The following PRKG1 variants were observed in gnomAD, a reference collection of about 807,000 sequenced individuals.
The protein encoded by PRKG1 is protein kinase cGMP-dependent 1.
Under a neutral mutation model 88.1 loss-of-function variants are expected in PRKG1, and 35 were observed. The ratio of observed to expected loss-of-function variants is 0.40; its 90% CI spans 0.30 to 0.53. The LOEUF is 0.53. Ranked by LOEUF, PRKG1 falls within the 20% of genes least tolerant of loss-of-function variation. The pLI, the probability that PRKG1 is intolerant of heterozygous loss-of-function variation, is 0.59. For missense variants in PRKG1, 540 were observed against 839.8 expected (o/e 0.64, Z 4.41); for synonymous variants, 303 against 292.5 (o/e 1.04, Z -0.37).
intron 2 of PRKG1, among the ~76,000 whole-genome samples, chr10:51,160,875 C>CGTGTGTGTGTGT (rs71459406): frequency 3.0e-3 from 452 of 150,074 alleles, no homozygotes; most frequent in African/African-American, 0.01. Flanking sequence ...TCTTCATGCT[C>CGTGTGTGTGTGT]GTGTGTGTGT....
At chr10:51,211,026 A>T (rs529788821) in intron 2 of PRKG1, among the ~76,000 whole-genome samples, 1 of 152,374 alleles carries the variant, frequency 6.6e-6, no homozygotes, top group South Asian at 2.1e-4. Context: ...AGAGAATTTT[A>T]GACCAATATC....
At chr10:51,803,219 T>C (rs375927110) in intron 3 of PRKG1, among the ~76,000 whole-genome samples, 138 of 152,276 alleles carry the variant, frequency 9.1e-4, no homozygotes, top group African/African-American at 3.2e-3. Flanking sequence ...GCACTACCTT[T>C]GTTTTTGATG....
At chr10:51,895,970 C>A (rs1169355345) in intron 4 of PRKG1, among the ~76,000 whole-genome samples, 1 of 152,064 alleles carries the variant, frequency 6.6e-6, no homozygotes, top group African/African-American at 2.4e-5. Context: ...ACTCCAAGGG[C>A]CCCTTGTGAC....
At chr10:51,446,057 C>T (rs1420074307) in intron 2 of PRKG1, among the ~76,000 whole-genome samples, 1 of 152,044 alleles carries the variant, frequency 6.6e-6, no homozygotes, top group Middle Eastern at 3.4e-3. Context: ...ATCCAACGGT[C>T]CTGAATTTTC....
intron 5 of PRKG1, among the ~76,000 whole-genome samples, chr10:52,011,168 G>A (rs975347255): frequency 3.3e-5 from 5 of 152,204 alleles, no homozygotes; most frequent in African/African-American, 1.2e-4. Flanking sequence ...CAAACAGCCT[G>A]AAGGAAAATT....
rs77405129 is a variant in PRKG1, at chr10:51,230,350, G to A, written c.478+77020G>A. Reference sequence around the variant, plus strand: ...AATGGGTACCTCTGGGAATTTTGATGAGTGATTCATATATGTGTGCATAGG... The same window carrying A: ...AATGGGTACCTCTGGGAATTTTGATAAGTGATTCATATATGTGTGCATAGG... On this transcript the variant is annotated intron_variant, in intron 2 of 17. Transcript: ENST00000373980. 6.7e-3 allele frequency among the ~76,000 whole-genome samples: 1,026 copies of A among 152,296 alleles called. 11 individuals carry two copies. Among genetic ancestry groups the A allele is most frequent in the African/African-American group, 0.023 (967 of 41,554 alleles).
chr10:51,150,441 T>C (rs926389804), intron 1 of PRKG1, among the ~76,000 whole-genome samples: 36 of 152,256 alleles, frequency 2.4e-4, no homozygotes, highest in African/African-American at 7.2e-4. Flanking sequence ...AGGAAAGGAC[T>C]TAAAGGAAAA....
At chr10:51,553,986 A>ATTAGATACGTGCATATTATATG (rs1837220264) in intron 3 of PRKG1, among the ~76,000 whole-genome samples, 1 of 109,904 alleles carries the variant, frequency 9.1e-6, no homozygotes, top group Non-Finnish European at 1.9e-5. Flanking sequence ...CATATTATAT[A>ATTAGATACGTGCATATTATATG]TGCGTATGTG....
At chr10:51,193,218 G>C (rs1184505939) in intron 2 of PRKG1, among the ~76,000 whole-genome samples, 1 of 151,972 alleles carries the variant, frequency 6.6e-6, no homozygotes, top group Non-Finnish European at 1.5e-5. Flanking sequence ...GGGGAATGAA[G>C]GTACTTGAAT....
At chr10:51,811,812 C>A (rs957491887) in intron 4 of PRKG1, among the ~76,000 whole-genome samples, 7 of 152,070 alleles carry the variant, frequency 4.6e-5, no homozygotes, top group Admixed American at 1.3e-4. Context: ...ACAGAGATGC[C>A]CTTGTAATAT....
intron 5 of PRKG1, among the ~76,000 whole-genome samples, chr10:51,953,094 A>C (rs1843223141): frequency 6.6e-6 from 1 of 152,188 alleles, no homozygotes; most frequent in Non-Finnish European, 1.5e-5. Context: ...ATTTGTTAGC[A>C]ATCAAGAGTT....
At chr10:51,817,347 A>ACCC (rs367740899) in intron 4 of PRKG1, among the ~76,000 whole-genome samples, 16 of 129,672 alleles carry the variant, frequency 1.2e-4, no homozygotes, top group South Asian at 2.7e-4. Flanking sequence ...TCCCTCCCCA[A>ACCC]CCCCCCCCCT....
intron 3 of PRKG1, among the ~76,000 whole-genome samples, chr10:51,679,025 C>T (rs1840779529): frequency 6.6e-6 from 1 of 152,084 alleles, no homozygotes; most frequent in Non-Finnish European, 1.5e-5. Flanking sequence ...TTATTGATCA[C>T]CTAGTACCAT....
intron 2 of PRKG1, among the ~76,000 whole-genome samples, chr10:51,384,042 A>G (rs12765853): frequency 6.6e-6 from 1 of 152,154 alleles, no homozygotes; most frequent in African/African-American, 2.4e-5. Context: ...CACCTGAAAG[A>G]TTTAATTCTG....
intron 9 of PRKG1, among the ~76,000 whole-genome samples, chr10:52,172,568 A>C (rs185275493): frequency 2.0e-5 from 3 of 152,346 alleles, no homozygotes; most frequent in African/African-American, 7.2e-5. Context: ...GAAAAGAATA[A>C]TACCTTTTAT....
intron 3 of PRKG1, among the ~76,000 whole-genome samples, chr10:51,497,212 TA>T (rs1172838791): frequency 6.6e-6 from 1 of 152,222 alleles, no homozygotes; most frequent in East Asian, 1.9e-4. Flanking sequence ...TTCTTAAATT[TA>T]CAACTAATTC....
In PRKG1 at chr10:52,231,012, G is replaced by A. The variant is rs142660362; in HGVS notation, c.1077-20558G>A. On this transcript the variant is annotated intron_variant, in intron 9 of 17. Transcript: ENST00000373980. ...AGAGAAATCTATGTGGTCATTAGAA[G>A]GGATAAACTTCAATAATTTGAATTA... The A allele has an allele frequency of 2.6e-3, 397 of 152,268 alleles. 1 individual carries two copies. The highest frequency in any genetic ancestry group is 9.1e-3 in the African/African-American group (380 of 41,538). 9.4% of individuals were successfully genotyped at this position (152,268 alleles called of 1,614,324 possible).
At chr10:51,768,061 C>T (rs1292326468) in intron 3 of PRKG1, among the ~76,000 whole-genome samples, 2 of 151,700 alleles carry the variant, frequency 1.3e-5, no homozygotes, top group African/African-American at 2.4e-5. Flanking sequence ...TAAATTATTG[C>T]TCTAGCAAAA....
intron 2 of PRKG1, among the ~76,000 whole-genome samples, chr10:51,369,913 T>C (rs1842666487): frequency 6.6e-6 from 1 of 152,180 alleles, no homozygotes; most frequent in South Asian, 2.1e-4. Flanking sequence ...CCAGCTAAAA[T>C]GGGATAGCCT....
Sources: allele counts gnomAD v4.1 joint callset (sites outside exome capture counted in the v4.1 genomes callset), GRCh38; gene constraint gnomAD v4.1.1; transcripts MANE v1.5; gene names NCBI Gene and HGNC (gene_info 2026-07-23, HGNC 2026-07-21).